Variants in CHRNA7 observed in about 807,000 individuals in gnomAD.
The protein encoded by CHRNA7 is cholinergic receptor nicotinic alpha 7 subunit.
Under a neutral mutation model 48.0 loss-of-function variants are expected in CHRNA7, and 17 were observed. That is an observed-to-expected ratio of 0.35 (90% CI 0.24 to 0.53). CHRNA7 has a LOEUF of 0.53. Among genes scored for constraint, CHRNA7 ranks in the 20% least tolerant of loss-of-function variants. CHRNA7 has a pLI of 0.92. For missense variants in CHRNA7, 155 were observed against 577.7 expected (o/e 0.27, Z 7.50); for synonymous variants, 75 against 242.3 (o/e 0.31, Z 6.41).
At chr15:32,113,166 A>G (rs929520614) in intron 4 of CHRNA7, among the ~76,000 whole-genome samples, 2 of 152,168 alleles carry the variant, frequency 1.3e-5, no homozygotes, top group African/African-American at 4.8e-5. Flanking sequence ...AGAAGTCTGA[A>G]TGAAGGTGTT....
chr15:32,095,198 G>A (rs990580046), intron 2 of CHRNA7, among the ~76,000 whole-genome samples: 3 of 152,188 alleles, frequency 2.0e-5, no homozygotes, highest in South Asian at 2.1e-4. Context: ...AGGTAGAGCC[G>A]AGCTCTGTAT....
chr15:32,070,151 C>T, intron 2 of CHRNA7, among the ~76,000 whole-genome samples: 1 of 152,192 alleles, frequency 6.6e-6, no homozygotes, highest in East Asian at 1.9e-4. Context: ...CAAGTTTGTA[C>T]ACTCATGAAA....
At chr15:32,123,900 C>G (rs538914024) in intron 4 of CHRNA7, among the ~76,000 whole-genome samples, 13 of 151,214 alleles carry the variant, frequency 8.6e-5, no homozygotes, top group African/African-American at 1.9e-4. Context: ...TAAGCTCCCC[C>G]CCGCCAAAAG....
intron 2 of CHRNA7, among the ~76,000 whole-genome samples, chr15:32,087,260 A>G (rs1162104972): frequency 6.6e-6 from 1 of 152,136 alleles, no homozygotes; most frequent in African/African-American, 2.4e-5. Flanking sequence ...ACTGTTTTTT[A>G]CCACTAGGTA....
chr15:32,152,754 G>C (rs1192116266), intron 4 of CHRNA7, among the ~76,000 whole-genome samples: 1 of 152,164 alleles, frequency 6.6e-6, no homozygotes, highest in Non-Finnish European at 1.5e-5. Flanking sequence ...ATGGGTTCTG[G>C]ATTGATTGAT....
At position 32,163,314 on chromosome 15, in the gene CHRNA7, C is replaced by T. The variant is rs758626830; in HGVS notation, c.969C>T (p.Asp323=). The T allele has an allele frequency of 2.2e-5, 17 of 781,440 alleles. 6 individuals are homozygous for T. The highest frequency in any genetic ancestry group is 3.1e-5 in the Non-Finnish European group (17 of 555,154). The allele number at this position is 781,440 out of a possible 1,614,324, so 48.4% of individuals were successfully genotyped here. A position where few individuals can be genotyped will look rare whatever the true frequency, so the allele number is the denominator to read the frequency against. The part of the protein sequence containing the change: ...IVLQYHHHDP[D]GGKMPKWTRV... ...TGCAGTACCACCACCACGACCCCGA[C>T]GGGGGCAAGATGCCCAAGTGGGTAC... Residue 323 remains aspartate (D), a synonymous_variant, in exon 9 of 10, where the codon GAC becomes GAT. Transcript: ENST00000306901.
At chr15:32,111,651 C>A in intron 3 of CHRNA7, 139 bp from the exon 4 acceptor site, 1 of 579,048 alleles carries the variant, frequency 1.7e-6, no homozygotes, top group South Asian at 2.6e-5. Context: ...TTCCCATTTT[C>A]ATTATATTTT....
chr15:32,049,028 T>TGAAAGACA (rs2049613063), intron 2 of CHRNA7, among the ~76,000 whole-genome samples: 1 of 138,804 alleles, frequency 7.2e-6, no homozygotes. Context: ...CACTGTGGTC[T>TGAAAGACA]GTTCTTTTAC....
chr15:32,120,781 C>T (rs1332606146), intron 4 of CHRNA7, among the ~76,000 whole-genome samples: 2 of 152,108 alleles, frequency 1.3e-5, no homozygotes, highest in Non-Finnish European at 2.9e-5. Flanking sequence ...GCTAATCGTG[C>T]CCAAGAGCAC....
At chr15:32,140,406 G>A (rs894572882) in intron 4 of CHRNA7, among the ~76,000 whole-genome samples, 4 of 152,178 alleles carry the variant, frequency 2.6e-5, no homozygotes, top group Admixed American at 2.0e-4. Context: ...CTTTATAGTA[G>A]CATGATGTAT....
chr15:32,084,164 A>G (rs1566827080), intron 2 of CHRNA7, among the ~76,000 whole-genome samples: 2 of 152,210 alleles, frequency 1.3e-5, no homozygotes, highest in Non-Finnish European at 1.5e-5. Flanking sequence ...CTCGCTATTT[A>G]TAAATTTTAC....
intron 2 of CHRNA7, among the ~76,000 whole-genome samples, chr15:32,066,098 T>C (rs969374830): frequency 6.6e-6 from 1 of 152,264 alleles, no homozygotes; most frequent in Non-Finnish European, 1.5e-5. Context: ...TGCCAAGCAT[T>C]GAAGGAAATC....
intron 3 of CHRNA7, among the ~76,000 whole-genome samples, chr15:32,104,712 C>T (rs1177281799): frequency 6.6e-6 from 1 of 152,118 alleles, no homozygotes; most frequent in Admixed American, 6.5e-5. Context: ...CCTTGAGGTG[C>T]TTGGGTAGCG....
chr15:32,070,441 A>C (rs1177430330), intron 2 of CHRNA7, among the ~76,000 whole-genome samples: 4 of 152,134 alleles, frequency 2.6e-5, no homozygotes, highest in Admixed American at 6.5e-5. Context: ...ACTCTTAACA[A>C]GGTATTTTCC....
intron 2 of CHRNA7, among the ~76,000 whole-genome samples, chr15:32,059,891 C>G (rs1184753020): frequency 1.5e-5 from 2 of 130,300 alleles, no homozygotes; most frequent in Non-Finnish European, 3.1e-5. Flanking sequence ...CGCCCAAGCT[C>G]CGATGAGAAA....
intron 2 of CHRNA7, among the ~76,000 whole-genome samples, chr15:32,056,728 A>C (rs4779969): frequency 0.89 from 135,480 of 152,202 alleles, 60,809 homozygotes; most frequent in South Asian, 0.95. Flanking sequence ...GGTCATCACT[A>C]ATATTTTAAC....
chr15:32,100,489 A>T (rs2050551548), intron 2 of CHRNA7: 1 of 154,198 alleles, frequency 6.5e-6, no homozygotes, highest in African/African-American at 2.4e-5. Context: ...GCCAGTCTTG[A>T]CGGGTCTCTT....
intron 2 of CHRNA7, among the ~76,000 whole-genome samples, chr15:32,036,137 C>T (rs1407336561): frequency 8.5e-5 from 13 of 152,212 alleles, no homozygotes; most frequent in Non-Finnish European, 1.3e-4. Flanking sequence ...TTGTTGTCTC[C>T]ATAGTTGAAC....
intron 2 of CHRNA7, among the ~76,000 whole-genome samples, chr15:32,034,510 A>T (rs1159218902): frequency 2.6e-5 from 4 of 152,138 alleles, no homozygotes; most frequent in Non-Finnish European, 5.9e-5. Context: ...GAGGTGCTAG[A>T]TGAGTGTGGG....
Sources: gnomAD v4.1 joint callset for allele counts (sites outside exome capture counted in the v4.1 genomes callset) on GRCh38, gnomAD v4.1.1 for gene constraint, MANE v1.5 for transcripts, NCBI Gene and HGNC (gene_info 2026-07-23, HGNC 2026-07-21) for gene names.